Variants in CELF5 observed in about 807,000 individuals in gnomAD.
CELF5 encodes CUG-BP and ETR-3 like factor 5.
A neutral mutation model predicts 54.9 loss-of-function variants in CELF5; 6 were observed. The observed-to-expected ratio is 0.11, with a 90% confidence interval of 0.06 to 0.22. The LOEUF is 0.22. Ranked by LOEUF, CELF5 falls within the 10% of genes least tolerant of loss-of-function variation. CELF5 has a pLI of 1.00. For missense variants in CELF5, 401 were observed against 678.6 expected (o/e 0.59, Z 4.54); for synonymous variants, 271 against 290.9 (o/e 0.93, Z 0.70).
At chr19:3,255,110 C>T (rs1397153886) in intron 2 of CELF5, among the ~76,000 whole-genome samples, 1 of 152,168 alleles carries the variant, frequency 6.6e-6, no homozygotes, top group South Asian at 2.1e-4. Flanking sequence ...GACTGGTCAC[C>T]TCCTGAGTGA....
At chr19:3,231,157 T>C (rs1482614164) in intron 1 of CELF5, among the ~76,000 whole-genome samples, 2 of 152,226 alleles carry the variant, frequency 1.3e-5, no homozygotes, top group African/African-American at 4.8e-5. Flanking sequence ...TCTGGAGTCA[T>C]AGTCAACATC....
At chr19:3,231,522 G>A (rs1332881012) in intron 1 of CELF5, among the ~76,000 whole-genome samples, 6 of 145,670 alleles carry the variant, frequency 4.1e-5, no homozygotes, top group Admixed American at 2.7e-4. Context: ...GGATGGATGG[G>A]TGGATGAGTA....
chr19:3,231,172 A>G (rs1917234170), intron 1 of CELF5, among the ~76,000 whole-genome samples: 1 of 152,230 alleles, frequency 6.6e-6, no homozygotes, highest in African/African-American at 2.4e-5. Flanking sequence ...AACATCAGTG[A>G]TATGTAAGCT....
rs572053822 is a variant in CELF5 at position 3,293,560 on chromosome 19, A to G, written c.*40+74A>G. ...GAAACCCCCTCCCGCGGCCCACTTC[A>G]TGCTCCAAACCCTCCCCAGGTGGGG... On this transcript the variant is annotated intron_variant, in intron 12 of 12. Coordinates refer to ENST00000292672, the MANE Select transcript of CELF5 (RefSeq NM_021938.4). 4.0e-6 allele frequency: 5 copies of G among 1,256,386 alleles called. No homozygotes were observed. The South Asian group carries it at 7.3e-5, about 18-fold the overall frequency. 77.8% of individuals were successfully genotyped at this position (1,256,386 alleles called of 1,614,324 possible). A position where few individuals can be genotyped will look rare whatever the true frequency, so the allele number is the denominator to read the frequency against.
At chr19:3,244,593 T>C (rs1356781124) in intron 1 of CELF5, among the ~76,000 whole-genome samples, 2 of 149,474 alleles carry the variant, frequency 1.3e-5, no homozygotes, top group Non-Finnish European at 3.0e-5. Flanking sequence ...TGCATCTATG[T>C]GTGGTGCACA....
chr19:3,246,874 A>G (rs972342024), intron 1 of CELF5, among the ~76,000 whole-genome samples: 1 of 152,216 alleles, frequency 6.6e-6, no homozygotes. Context: ...CTCCCCCATG[A>G]TGCACACAAC....
chr19:3,286,649 C>T (rs963605071), intron 10 of CELF5: 2 of 147,918 alleles, frequency 1.4e-5, no homozygotes, highest in African/African-American at 5.0e-5. Flanking sequence ...AGGAGGATCA[C>T]TGAGCCCAGG....
rs139449897 is a variant in CELF5 at position 3,256,900 on chromosome 19, G to A, written c.342+5833G>A. On this transcript the variant is annotated intron_variant, in intron 2 of 12. Transcript: ENST00000292672. ...TTTTTTTCTGAGACAAAGTTTTGCT[G>A]TGTCGCCCAGGTTGGAGTGCAGTGG... 2.7e-5 allele frequency among the ~76,000 whole-genome samples: 4 copies of A among 148,786 alleles called. No homozygotes were observed. In the East Asian group the frequency reaches 8.0e-4, roughly 30 times the overall value.
At chr19:3,276,153 G>A (rs941747733) in intron 4 of CELF5, among the ~76,000 whole-genome samples, 169 bp downstream of exon 4, 6 of 141,822 alleles carry the variant, frequency 4.2e-5, no homozygotes, top group African/African-American at 1.3e-4. Context: ...GAGGCTGCAG[G>A]GGCGGGGCCT....
At chr19:3,286,305 T>C (rs1182886382) in intron 10 of CELF5, 1 of 410,228 alleles carries the variant, frequency 2.4e-6, no homozygotes, top group Non-Finnish European at 4.3e-6. Flanking sequence ...ATTCTCTGGA[T>C]TTTTTGGAAA....
rs192057950 is a variant in CELF5, at chr19:3,262,404, C to G, written c.342+11337C>G. 1.0e-3 allele frequency among the ~76,000 whole-genome samples: 157 copies of G among 152,232 alleles called. 1 individual carries two copies. Among genetic ancestry groups the G allele is most frequent in the African/African-American group, 3.7e-3 (152 of 41,534 alleles). On this transcript the variant is annotated intron_variant, in intron 2 of 12. Transcript: ENST00000292672. Reference sequence around the variant, plus strand: ...TTAAACCACCACATGTGGCTAATGGCTACAATATCGGACAGTGCAATCCAG... The same window carrying G: ...TTAAACCACCACATGTGGCTAATGGGTACAATATCGGACAGTGCAATCCAG...
intron 5 of CELF5, among the ~76,000 whole-genome samples, chr19:3,279,066 T>C (rs537068165): frequency 2.7e-4 from 41 of 152,142 alleles, no homozygotes; most frequent in Admixed American, 9.8e-4. Context: ...ATGTAGAGGA[T>C]GGGCAGGGTG....
chr19:3,270,936 G>A (rs563262062), intron 2 of CELF5, among the ~76,000 whole-genome samples: 2 of 151,964 alleles, frequency 1.3e-5, no homozygotes, highest in Non-Finnish European at 2.9e-5. Context: ...CAAGGTGGGG[G>A]TGGAGGGTTC....
intron 4 of CELF5, among the ~76,000 whole-genome samples, 160 bp downstream of exon 4, chr19:3,276,144 A>G (rs1599460721): frequency 2.1e-5 from 1 of 48,418 alleles, no homozygotes; most frequent in Admixed American, 3.0e-4. Flanking sequence ...TCTGTGGGTG[A>G]GGCTGCAGGG....
chr19:3,278,228 C>T lies in CELF5; in HGVS notation c.603+118C>T, dbSNP rs1344722204. 1.4e-6 allele frequency: 1 copy of T among 738,126 alleles called. No individual in the cohort carries two copies. Among genetic ancestry groups the T allele is most frequent in the East Asian group, 2.7e-5 (1 of 36,866 alleles). The allele number at this position is 738,126 out of a possible 1,614,324, so 45.7% of individuals were successfully genotyped here. A position where few individuals can be genotyped will look rare whatever the true frequency, so the allele number is the denominator to read the frequency against. ...CATCCGGTAGCCCCTGGCTGTCCTT[C>T]AGAGGGGGCACAGGTGGAGAAAGAG... On this transcript the variant is annotated intron_variant, in intron 5 of 12. Transcript: ENST00000292672. The surrounding 1 kb of genome is among the most constrained non-coding windows in gnomAD (Gnocchi z 4.5).
chr19:3,281,289 A>G lies in CELF5; in HGVS notation c.694A>G (p.Ile232Val), dbSNP rs749452429. 8 of 1,611,810 alleles carry G rather than the reference A, an allele frequency of 5.0e-6. No individual in the cohort carries two copies. In the African/African-American group the frequency reaches 1.1e-4, roughly 21 times the overall value. ...RMQQMVGQLG[I>V]LTPSLTLPFS... The stretch of plus-strand genomic sequence containing the variant: ...GCAGCAGATGGTGGGCCAGCTGGGC[A>G]TCCTGACGCCGTCCCTCACATTGCC... Residue 232 changes from isoleucine to valine, a missense_variant, in exon 6 of 13, where the codon ATC becomes GTC. Ile to Val is a conservative substitution (Grantham distance 29). Around this residue, in one of 6 missense-constraint regions of CELF5, gnomAD observed 87 missense variants for 190.2 expected, o/e 0.46. Transcript: ENST00000292672. The surrounding 1 kb of genome is among the most constrained non-coding windows in gnomAD (Gnocchi z 6.5).
At position 3,228,379 on chromosome 19, in the gene CELF5, C is replaced by G. The variant is rs1304451205; in HGVS notation, c.259+3381C>G. Among the ~76,000 whole-genome samples, 1 of 152,170 alleles carries G rather than the reference C, an allele frequency of 6.6e-6. No individual in the cohort carries two copies. The highest frequency in any genetic ancestry group is 6.5e-5 in the Admixed American group (1 of 15,280). On this transcript the variant is annotated intron_variant, in intron 1 of 12. Coordinates refer to ENST00000292672, the MANE Select transcript of CELF5 (RefSeq NM_021938.4). The surrounding 1 kb of genome is among the most constrained non-coding windows in gnomAD (Gnocchi z 6.0). ...CTGGGATTGGGGCTCCCGCTGGCCC[C>G]CCTGCAGTTCCTGCCCCGGGGACCC...
At position 3,228,207 on chromosome 19, in the gene CELF5, CACAG is replaced by C. The variant is rs1188797845; in HGVS notation, c.259+3214_259+3217del. Among the ~76,000 whole-genome samples, 4 of 151,986 alleles carry C rather than the reference CACAG, an allele frequency of 2.6e-5. No individual in the cohort carries two copies. The highest frequency in any genetic ancestry group is 4.8e-5 in the African/African-American group (2 of 41,370). ...CCACAGAGAGACAGAGACAGAGAAA[CACAG>C]ACAGGGAGGGGGCTGCAGAGAGATG... is the stretch of plus-strand genomic sequence containing the variant. On this transcript the variant is annotated intron_variant, in intron 1 of 12. Transcript: ENST00000292672. This position sits in a 1 kb window ranked among gnomAD's most constrained non-coding sequence, Gnocchi z 6.0.
intron 2 of CELF5, 141 bp downstream of exon 2, chr19:3,251,208 G>T (rs2079642689): frequency 1.7e-5 from 11 of 644,734 alleles, no homozygotes; most frequent in Middle Eastern, 3.1e-4. Context: ...CAGAGGTATA[G>T]AAATCATCAT....
Sources: gnomAD v4.1 joint callset for allele counts (sites outside exome capture counted in the v4.1 genomes callset) on GRCh38, gnomAD v4.1.1 for gene constraint, gnomAD v4.1.1 regional missense constraint, Gnocchi (gnomAD v3.1) non-coding constraint, MANE v1.5 for transcripts, NCBI Gene and HGNC (gene_info 2026-07-23, HGNC 2026-07-21) for gene names.